The following FCGR1A variants were observed in gnomAD, a reference collection of about 807,000 sequenced individuals.
The protein encoded by FCGR1A is Fc gamma receptor Ia.
FCGR1A carries 13 observed loss-of-function variants against 35.0 expected under a neutral mutation model. That is an observed-to-expected ratio of 0.37 (90% confidence interval 0.24 to 0.59). The LOEUF is 0.59. Ranked by LOEUF, FCGR1A falls within the 20% of genes least tolerant of loss-of-function variation. The probability of loss-of-function intolerance (pLI) is 0.71; values close to 1 mark genes in which losing one functional copy is unlikely to be tolerated. For missense variants in FCGR1A, 227 were observed against 430.0 expected (o/e 0.53, Z 4.17); for synonymous variants, 91 against 164.7 (o/e 0.55, Z 3.43).
downstream of FCGR1A, chr1:149,792,650 T>A (rs1912339): frequency 1.6e-6 from 2 of 1,270,312 alleles, no homozygotes; most frequent in Non-Finnish European, 2.0e-6. Context: ...AGCCTCCGCC[T>A]GTATCTGGGG....
chr1:149,789,883 T>C (rs2091657862), intron 4 of FCGR1A, among the ~76,000 whole-genome samples, 171 bp from the exon 5 acceptor site: 1 of 152,182 alleles, frequency 6.6e-6, no homozygotes. Flanking sequence ...ACCCTAATTA[T>C]GTCTATTAGG....
intron 3 of FCGR1A, chr1:149,786,794 GT>G (rs1347080282): frequency 6.6e-6 from 1 of 152,112 alleles, no homozygotes; most frequent in Non-Finnish European, 1.5e-5. Context: ...TTACTTAGAT[GT>G]TTTTTGGAGG....
chr1:149,786,491 T>C (rs2091553673), intron 3 of FCGR1A: 1 of 152,262 alleles, frequency 6.6e-6, no homozygotes, highest in Admixed American at 6.5e-5. Context: ...TGCCCTATTT[T>C]AAAATGTTTT....
intron 3 of FCGR1A, chr1:149,787,349 C>T (rs2091579724): frequency 1.3e-5 from 2 of 152,146 alleles, no homozygotes; most frequent in South Asian, 4.1e-4. Flanking sequence ...AAACCAACTG[C>T]CTCTGGAGAA....
In FCGR1A at chr1:149,788,594, C is replaced by T. The variant is rs782081012; in HGVS notation, c.536C>T (p.Ala179Val). ...SGMGKHRYTS[A>V]GISVTVKELF... ...ATGGGAAAGCATCGCTACACATCAG[C>T]AGGAATATCTGTCACTGTGAAAGGT... The change falls in exon 4 of 6, where the codon GCA becomes GTA. Residue 179 changes from alanine to valine, a missense_variant. By Grantham distance (64) the Ala-to-Val change is moderately conservative. Coordinates refer to ENST00000369168, the MANE Select transcript of FCGR1A (RefSeq NM_000566.4). 5.0e-6 allele frequency: 8 copies of T among 1,613,868 alleles called. No homozygotes were observed. The highest frequency in any genetic ancestry group is 1.7e-6 in the Non-Finnish European group (2 of 1,179,874).
In FCGR1A at chr1:149,784,154, C is replaced by T. The variant is rs782267768; in HGVS notation, c.204C>T (p.Pro68=). 5.2e-5 allele frequency: 83 copies of T among 1,611,582 alleles called. 1 individual carries two copies. In the South Asian group the frequency reaches 8.7e-4, roughly 17 times the overall value. The change falls in exon 3 of 6, where the codon CCC becomes CCT. Residue 68 remains proline (P), a synonymous_variant. Transcript: ENST00000369168. The part of the protein sequence containing the change: ...LNGTATQTST[P]SYRITSASVN... ...GCACAGCCACTCAGACCTCGACCCCCAGCTACAGAATCACCTCTGCCAGTG... is the reference window on the plus strand; with the variant it reads ...GCACAGCCACTCAGACCTCGACCCCTAGCTACAGAATCACCTCTGCCAGTG...
At chr1:149,793,215 G>C (rs2091757210), downstream of FCGR1A, 1 of 1,272,048 alleles carries the variant, frequency 7.9e-7, no homozygotes, top group African/African-American at 1.6e-5. Context: ...CCATTTTCTT[G>C]GCTTGTCGCA....
chr1:149,791,472 G>A lies in FCGR1A; in HGVS notation c.1080G>A (p.Gln360=). The change falls in exon 6 of 6, where the codon CAG becomes CAA. Residue 360 remains glutamine, a synonymous_variant. Coordinates refer to ENST00000369168, the MANE Select transcript of FCGR1A (RefSeq NM_000566.4). ...AATGTCAGGAACAAAAAGAAGAACA[G>A]CTGCAGGAAGGGGTGCACCGGAAGG... ...ELKCQEQKEE[Q]LQEGVHRKEP... is the part of the protein sequence containing the mutation. 6.2e-7 allele frequency: 1 copy of A among 1,609,210 alleles called. No homozygotes were observed. The highest frequency in any genetic ancestry group is 8.5e-7 in the Non-Finnish European group (1 of 1,179,124).
intron 4 of FCGR1A, among the ~76,000 whole-genome samples, chr1:149,789,386 A>C (rs1418322007): frequency 6.6e-6 from 1 of 151,248 alleles, no homozygotes; most frequent in Non-Finnish European, 1.5e-5. Flanking sequence ...GAGCGAGACT[A>C]CGTCTCAAAT....
chr1:149,784,369 C>T, intron 3 of FCGR1A, 112 bp downstream of exon 3: 1 of 1,603,638 alleles, frequency 6.2e-7, no homozygotes, highest in Non-Finnish European at 8.5e-7. Flanking sequence ...CAGGTCTCAG[C>T]ACTATGTACC....
the FCGR1A span, among the ~76,000 whole-genome samples, chr1:149,798,695 T>G: frequency 6.6e-6 from 1 of 152,010 alleles, no homozygotes; most frequent in African/African-American, 2.4e-5. Context: ...CACTGCAGCC[T>G]TGACCTCCTA....
At position 149,784,056 on chromosome 1, in the gene FCGR1A, G is replaced by C; in HGVS notation, c.106G>C (p.Glu36Gln). ...LQPPWVSVFQ[E>Q]ETVTLHCEVL... ...GCCTCCATGGGTCAGCGTGTTCCAA[G>C]AGGAAACCGTAACCTTGCACTGTGA... The change falls in exon 3 of 6, where the codon GAG becomes CAG. Residue 36 changes from glutamate to glutamine, a missense_variant. Physicochemically the swap from Glu to Gln is conservative, Grantham distance 29. Around this residue, in one of 3 missense-constraint regions of FCGR1A, gnomAD observed 185 missense variants for 306.6 expected, o/e 0.60. Coordinates refer to ENST00000369168, the MANE Select transcript of FCGR1A (RefSeq NM_000566.4). 1 of 1,610,680 alleles carries C rather than the reference G, an allele frequency of 6.2e-7. No homozygotes were observed. Among genetic ancestry groups the C allele is most frequent in the Non-Finnish European group, 8.5e-7 (1 of 1,179,712 alleles).
At chr1:149,786,629 C>T (rs1357250558) in intron 3 of FCGR1A, 2 of 151,910 alleles carry the variant, frequency 1.3e-5, no homozygotes, top group South Asian at 2.1e-4. Flanking sequence ...ATATGGCTGA[C>T]ACCAAAGTCA....
downstream of FCGR1A, among the ~76,000 whole-genome samples, chr1:149,793,557 G>T (rs1218372367): frequency 1.3e-5 from 2 of 152,020 alleles, no homozygotes; most frequent in Non-Finnish European, 2.9e-5. Flanking sequence ...ACTTAGAGGG[G>T]TGGTGGGGTG....
intron 3 of FCGR1A, 69 bp from the exon 4 acceptor site, chr1:149,788,297 C>T: frequency 6.2e-7 from 1 of 1,610,130 alleles, no homozygotes; most frequent in Non-Finnish European, 8.5e-7. Flanking sequence ...AGGAAGCCCA[C>T]AGGGCCAAGC....
downstream of FCGR1A, among the ~76,000 whole-genome samples, chr1:149,796,222 G>A (rs1467319762): frequency 1.3e-5 from 2 of 152,116 alleles, no homozygotes; most frequent in Non-Finnish European, 2.9e-5. Flanking sequence ...AACACTTAGA[G>A]AAGATTAAAA....
downstream of FCGR1A, chr1:149,792,631 G>A: frequency 2.4e-6 from 3 of 1,263,356 alleles, no homozygotes; most frequent in Non-Finnish European, 3.1e-6. Context: ...GGCCGCATGT[G>A]CATATTGCAG....
downstream of FCGR1A, chr1:149,792,850 G>T (rs587752082): frequency 1.0e-5 from 13 of 1,268,448 alleles, no homozygotes; most frequent in African/African-American, 1.6e-5. Context: ...AGAGCAAGGG[G>T]TCGCCGTTCG....
intron 3 of FCGR1A, chr1:149,787,131 A>G (rs1559744303): frequency 6.6e-6 from 1 of 152,246 alleles, no homozygotes; most frequent in Non-Finnish European, 1.5e-5. Flanking sequence ...GCAGTCTTTC[A>G]GCATCTGCTG....
Sources: allele counts gnomAD v4.1 joint callset (sites outside exome capture counted in the v4.1 genomes callset), GRCh38; gene constraint gnomAD v4.1.1; regional missense constraint gnomAD v4.1.1; transcripts MANE v1.5; gene names NCBI Gene and HGNC (gene_info 2026-07-23, HGNC 2026-07-21).